Variants in ELAPOR2 observed in about 807,000 individuals in gnomAD.
ELAPOR2 encodes the protein endosome-lysosome associated apoptosis and autophagy regulator family member 2.
Under a neutral mutation model 120.7 loss-of-function variants are expected in ELAPOR2, and 89 were observed. The ratio of observed to expected loss-of-function variants is 0.74; its 90% confidence interval spans 0.62 to 0.88. The LOEUF (loss-of-function observed/expected upper bound fraction) is 0.88. ELAPOR2 is among the 40% of genes least tolerant of loss of function. The pLI, the probability that ELAPOR2 is intolerant of heterozygous loss-of-function variation, is 0.00. For synonymous variants in ELAPOR2, 444 were observed against 444.9 expected (o/e 1.00, Z 0.03); for missense variants, 1,134 against 1,251.6 (o/e 0.91, Z 1.42).
intron 1 of ELAPOR2, among the ~76,000 whole-genome samples, chr7:86,992,388 GCCACTGCACT>G: frequency 6.6e-6 from 1 of 152,098 alleles, no homozygotes; most frequent in African/African-American, 2.4e-5. Flanking sequence ...CTATGATCGT[GCCACTGCACT>G]CCAGCATGGG....
At chr7:87,001,819 T>G (rs969396394) in intron 1 of ELAPOR2, among the ~76,000 whole-genome samples, 1 of 152,188 alleles carries the variant, frequency 6.6e-6, no homozygotes, top group African/African-American at 2.4e-5. Context: ...CTGAGTTACC[T>G]AAATTTAAAT....
At chr7:87,058,027 T>TA (rs1020646579) in intron 1 of ELAPOR2, among the ~76,000 whole-genome samples, 22 of 152,340 alleles carry the variant, frequency 1.4e-4, no homozygotes, top group African/African-American at 5.0e-4. Flanking sequence ...CTCATTATAC[T>TA]AAAAAGCCCT....
chr7:86,944,993 G>T lies in ELAPOR2; in HGVS notation c.560C>A (p.Thr187Lys). Reference protein sequence around the residue: ...NYIESNRDDCTVSLIYAVHLK... With the variant: ...NYIESNRDDCKVSLIYAVHLK... ...GTGCACAGCATAGATCAAAGACACCGTGCAGTCATCACGATTAGATTCTAT... is the reference window on the plus strand; with the variant it reads ...GTGCACAGCATAGATCAAAGACACCTTGCAGTCATCACGATTAGATTCTAT... Residue 187 changes from threonine to lysine, a missense_variant, in exon 4 of 22, where the codon ACG becomes AAG. Coordinates refer to ENST00000450689, the MANE Select transcript of ELAPOR2 (RefSeq NM_001142749.3). 1.9e-6 allele frequency: 3 copies of T among 1,550,588 alleles called. No individual in the cohort carries two copies. The highest frequency in any genetic ancestry group is 2.6e-6 in the Non-Finnish European group (3 of 1,146,480).
Position 86,940,009 on chromosome 7 carries a change from C to A in ELAPOR2, c.847+1G>T. On this transcript the variant is annotated splice_donor_variant, in intron 6 of 21. Coordinates refer to ENST00000450689, the MANE Select transcript of ELAPOR2 (RefSeq NM_001142749.3). LOFTEE classifies it high-confidence loss of function. The stretch of plus-strand genomic sequence containing the variant: ...TACTAAAACAGAATGCCATGAAATA[C>A]CTTCAATTGTGATATTTTTTACCAG... The A allele has an allele frequency of 6.3e-7, 1 of 1,579,326 alleles. No individual in the cohort carries two copies. Among genetic ancestry groups the A allele is most frequent in the Non-Finnish European group, 8.7e-7 (1 of 1,152,822 alleles).
chr7:87,010,100 A>G (rs986356141), intron 1 of ELAPOR2, among the ~76,000 whole-genome samples: 19 of 152,228 alleles, frequency 1.2e-4, no homozygotes, highest in African/African-American at 4.6e-4. Flanking sequence ...CAAACTTTAC[A>G]GTGGAATTTA....
At chr7:86,978,384 A>G (rs1219796562) in intron 1 of ELAPOR2, among the ~76,000 whole-genome samples, 1 of 152,230 alleles carries the variant, frequency 6.6e-6, no homozygotes, top group Admixed American at 6.5e-5. Context: ...AAAATTAAAC[A>G]TTTATCTTTT....
chr7:86,916,804 T>C (rs1789589160), intron 12 of ELAPOR2, among the ~76,000 whole-genome samples: 1 of 152,196 alleles, frequency 6.6e-6, no homozygotes, highest in South Asian at 2.1e-4. Context: ...GCCTCTACTG[T>C]TGAATTTTGG....
At chr7:86,992,196 C>A (rs1286577218) in intron 1 of ELAPOR2, among the ~76,000 whole-genome samples, 1 of 152,062 alleles carries the variant, frequency 6.6e-6, no homozygotes, top group Admixed American at 6.6e-5. Context: ...GAGGTCAAGG[C>A]GGAAGGACTG....
chr7:86,906,074 G>A (rs982504307), intron 18 of ELAPOR2, among the ~76,000 whole-genome samples: 1 of 152,156 alleles, frequency 6.6e-6, no homozygotes, highest in East Asian at 1.9e-4. Context: ...CCTGGAGGAG[G>A]CTTTGGAAGC....
At chr7:86,974,348 T>C (rs1792201958) in intron 1 of ELAPOR2, among the ~76,000 whole-genome samples, 2 of 152,142 alleles carry the variant, frequency 1.3e-5, no homozygotes, top group South Asian at 4.1e-4. Flanking sequence ...CTTCTAGGCA[T>C]GTAATCCAAG....
chr7:86,898,559 CAAAAAAAAAA>C (rs11418158), intron 18 of ELAPOR2, among the ~76,000 whole-genome samples: 13 of 66,600 alleles, frequency 2.0e-4, no homozygotes, highest in African/African-American at 6.7e-4. Context: ...ACACAATGAC[CAAAAAAAAAA>C]AAAAAAAAAA....
intron 21 of ELAPOR2, among the ~76,000 whole-genome samples, chr7:86,882,417 G>T (rs1454958766): frequency 6.6e-6 from 1 of 152,142 alleles, no homozygotes; most frequent in East Asian, 1.9e-4. Context: ...GCAGAGACCT[G>T]TTGGTTATCT....
chr7:87,044,667 T>C (rs1395193664), intron 1 of ELAPOR2, among the ~76,000 whole-genome samples: 1 of 151,994 alleles, frequency 6.6e-6, no homozygotes, highest in Non-Finnish European at 1.5e-5. Flanking sequence ...GAAGAAAACC[T>C]AGGCATTACC....
chr7:87,005,338 T>TA (rs66460536), intron 1 of ELAPOR2, among the ~76,000 whole-genome samples: 57,433 of 151,838 alleles, frequency 0.38, 11,712 homozygotes, highest in African/African-American at 0.53. Flanking sequence ...TCAATAGGGC[T>TA]AAAAAAGAAT....
chr7:86,993,589 T>C (rs1328167570), intron 1 of ELAPOR2, among the ~76,000 whole-genome samples: 1 of 152,238 alleles, frequency 6.6e-6, no homozygotes, highest in African/African-American at 2.4e-5. Context: ...TAAATCTCTT[T>C]TGAAAGACTG....
intron 1 of ELAPOR2, among the ~76,000 whole-genome samples, chr7:87,056,910 G>A (rs1795281131): frequency 1.3e-5 from 2 of 152,198 alleles, no homozygotes; most frequent in African/African-American, 4.8e-5. Context: ...GGGGGGAAAT[G>A]AGGTTCAAAA....
At chr7:87,003,045 T>C (rs1616760) in intron 1 of ELAPOR2, among the ~76,000 whole-genome samples, 57,523 of 151,978 alleles carry the variant, frequency 0.38, 11,735 homozygotes, top group African/African-American at 0.53. Context: ...AATTCTTCAG[T>C]CCTTAGATGG....
intron 1 of ELAPOR2, among the ~76,000 whole-genome samples, chr7:87,002,411 C>T (rs1486379220): frequency 6.6e-6 from 1 of 152,146 alleles, no homozygotes; most frequent in Non-Finnish European, 1.5e-5. Context: ...ATTGCTACTT[C>T]TCCATCTGAT....
intron 2 of ELAPOR2, among the ~76,000 whole-genome samples, chr7:86,959,717 A>T (rs1310931436): frequency 1.3e-5 from 2 of 152,160 alleles, no homozygotes; most frequent in Non-Finnish European, 2.9e-5. Context: ...TATTAAATTC[A>T]GTTTGCTGTA....
Sources: allele counts gnomAD v4.1 joint callset (sites outside exome capture counted in the v4.1 genomes callset), GRCh38; gene constraint gnomAD v4.1.1; transcripts MANE v1.5; gene names NCBI Gene and HGNC (gene_info 2026-07-23, HGNC 2026-07-21).